VPS37A: variants seen among roughly 807,000 people sequenced by gnomAD.
VPS37A encodes the protein VPS37A subunit of ESCRT-I.
Under a neutral mutation model 49.8 loss-of-function variants are expected in VPS37A, and 30 were observed. The ratio of observed to expected loss-of-function variants is 0.60; its 90% CI spans 0.45 to 0.82. The LOEUF (loss-of-function observed/expected upper bound fraction) is 0.82, where lower values mean the gene tolerates loss of function less well. VPS37A is among the 40% of genes least tolerant of loss of function. The pLI is 0.00. For synonymous variants in VPS37A, 195 were observed against 160.6 expected, an observed-to-expected ratio of 1.21 and a Z score of -1.62; for missense variants, 593 against 464.4, an observed-to-expected ratio of 1.28 and a Z score of -2.55.
At chr8:17,317,152 GTC>G in the VPS37A span, among the ~76,000 whole-genome samples, 2 of 152,124 alleles carry the variant, frequency 1.3e-5, no homozygotes, top group Non-Finnish European at 2.9e-5. Flanking sequence ...TGGGGGTGTG[GTC>G]TCTGTCCTGC....
chr8:17,290,202 C>T (rs1343637912), intron 11 of VPS37A, among the ~76,000 whole-genome samples: 1 of 152,120 alleles, frequency 6.6e-6, no homozygotes, highest in South Asian at 2.1e-4. Context: ...CTTTTTCTTG[C>T]CTCATTGCAC....
intron 1 of VPS37A, among the ~76,000 whole-genome samples, chr8:17,252,869 A>G (rs923494806): frequency 6.6e-6 from 1 of 152,248 alleles, no homozygotes; most frequent in African/African-American, 2.4e-5. Context: ...GAAATCTCCA[A>G]AATATCAACA....
At chr8:17,303,595 C>G (rs1471718089), downstream of VPS37A, among the ~76,000 whole-genome samples, 3 of 143,130 alleles carry the variant, frequency 2.1e-5, no homozygotes, top group African/African-American at 8.1e-5. Flanking sequence ...TCCCCATTCT[C>G]CCCATACATA....
chr8:17,330,815 A>G, the VPS37A span, among the ~76,000 whole-genome samples: 1 of 152,176 alleles, frequency 6.6e-6, no homozygotes, highest in African/African-American at 2.4e-5. Flanking sequence ...TTATTGCTTT[A>G]AATGTAGGAT....
chr8:17,305,647 G>C, downstream of VPS37A: 2 of 853,466 alleles, frequency 2.3e-6, no homozygotes, highest in Admixed American at 4.8e-5. Context: ...GTCAGTATAG[G>C]TATGTGACTA....
intron 1 of VPS37A, among the ~76,000 whole-genome samples, chr8:17,259,588 T>G (rs1302778690): frequency 6.6e-6 from 1 of 152,108 alleles, no homozygotes; most frequent in African/African-American, 2.4e-5. Context: ...ATTAGGCCTA[T>G]TAGGTCCAAA....
intron 10 of VPS37A, among the ~76,000 whole-genome samples, chr8:17,285,771 C>T (rs1288388586): frequency 2.0e-5 from 3 of 152,164 alleles, no homozygotes; most frequent in Admixed American, 6.6e-5. Flanking sequence ...ATCTGTTAAT[C>T]TTCCTGCTTA....
intron 1 of VPS37A, among the ~76,000 whole-genome samples, chr8:17,264,204 C>T (rs1431616504): frequency 6.6e-6 from 1 of 152,190 alleles, no homozygotes; most frequent in African/African-American, 2.4e-5. Context: ...GATTTGAACC[C>T]AGGAAGCCTG....
In VPS37A at chr8:17,258,820, T is replaced by A. The variant is rs571245824; in HGVS notation, c.126-7087T>A. ...ATTGGCTTATTGAAGTTTTCTATTT[T>A]ATCATGGTTTAATCTTAGTAGGTTG... On this transcript the variant is annotated intron_variant, in intron 1 of 11. Coordinates refer to ENST00000324849, the MANE Select transcript of VPS37A (RefSeq NM_152415.3). Among the ~76,000 whole-genome samples the A allele has an allele frequency of 6.2e-4, 95 of 152,216 alleles. 3 individuals are homozygous for A. The South Asian group carries it at 0.011, about 17-fold the overall frequency.
chr8:17,247,433 C>G (rs1811361300), intron 1 of VPS37A, 64 bp downstream of exon 1: 2 of 1,516,380 alleles, frequency 1.3e-6, no homozygotes, highest in Non-Finnish European at 1.8e-6. Context: ...TTGTCCTAAC[C>G]ACCCTCACAG....
chr8:17,272,143 A>AC (rs1814055357), intron 4 of VPS37A: 1 of 454,028 alleles, frequency 2.2e-6, no homozygotes, highest in African/African-American at 2.0e-5. Flanking sequence ...CCTTCCGGTG[A>AC]CCATCTGCTC....
At chr8:17,288,044 T>C (rs1815777293) in intron 11 of VPS37A, among the ~76,000 whole-genome samples, 1 of 152,198 alleles carries the variant, frequency 6.6e-6, no homozygotes, top group African/African-American at 2.4e-5. Flanking sequence ...GTTTTATGTG[T>C]TACTTTCCAA....
chr8:17,313,453 AC>A, the VPS37A span: 1 of 1,166,492 alleles, frequency 8.6e-7, no homozygotes, highest in Non-Finnish European at 1.3e-6. Context: ...CTCTCATTTT[AC>A]ATATGATCAT....
At chr8:17,252,824 A>T (rs1812097098) in intron 1 of VPS37A, among the ~76,000 whole-genome samples, 2 of 152,230 alleles carry the variant, frequency 1.3e-5, no homozygotes, top group Admixed American at 1.3e-4. Context: ...AAAATTCTAC[A>T]AGCATCTGTT....
chr8:17,308,555 T>C, the VPS37A span, among the ~76,000 whole-genome samples: 2 of 152,288 alleles, frequency 1.3e-5, no homozygotes, highest in African/African-American at 4.8e-5. Context: ...AAAATATATA[T>C]CAAACTAATG....
chr8:17,247,391 AC>A, intron 1 of VPS37A, 22 bp downstream of exon 1: 1 of 417,234 alleles, frequency 2.4e-6, no homozygotes, highest in South Asian at 2.2e-5. Flanking sequence ...CTGCCTCTCC[AC>A]CGGAGGAAAA....
At chr8:17,320,824 C>T in the VPS37A span, among the ~76,000 whole-genome samples, 2 of 152,210 alleles carry the variant, frequency 1.3e-5, no homozygotes, top group African/African-American at 4.8e-5. Flanking sequence ...AATTCCAGCA[C>T]CCTCCATGAG....
intron 9 of VPS37A, among the ~76,000 whole-genome samples, chr8:17,282,111 GA>G (rs957092804): frequency 2.6e-5 from 4 of 151,628 alleles, no homozygotes; most frequent in African/African-American, 9.7e-5. Context: ...AAGAAAAAAT[GA>G]AAAAAACTCC....
intron 1 of VPS37A, among the ~76,000 whole-genome samples, chr8:17,255,739 G>A (rs982190403): frequency 1.3e-5 from 2 of 151,884 alleles, no homozygotes; most frequent in African/African-American, 2.4e-5. Flanking sequence ...GAACCATCAC[G>A]CTACTTTCTT....
Sources: gnomAD v4.1 joint callset for allele counts (sites outside exome capture counted in the v4.1 genomes callset) on GRCh38, gnomAD v4.1.1 for gene constraint, MANE v1.5 for transcripts, NCBI Gene and HGNC (gene_info 2026-07-23, HGNC 2026-07-21) for gene names.